The following DPY19L1 variants were observed in gnomAD, a reference collection of about 807,000 sequenced individuals.
DPY19L1 encodes the protein dpy-19 like C-mannosyltransferase 1, also known as protein C-mannosyl-transferase DPY19L1.
A neutral mutation model predicts 96.9 loss-of-function variants in DPY19L1; 35 were observed. That is an observed-to-expected ratio of 0.36 (90% CI 0.28 to 0.48). The LOEUF (loss-of-function observed/expected upper bound fraction) is 0.48. Ranked by LOEUF, DPY19L1 falls within the 20% of genes least tolerant of loss-of-function variation. The pLI, the probability that DPY19L1 is intolerant of heterozygous loss-of-function variation, is 0.99. For missense variants in DPY19L1, 521 were observed against 777.9 expected, an observed-to-expected ratio of 0.67 and a Z score of 3.93; for synonymous variants, 205 against 252.6, an observed-to-expected ratio of 0.81 and a Z score of 1.79.
At chr7:34,974,252 A>C (rs1784786762) in intron 7 of DPY19L1, among the ~76,000 whole-genome samples, 1 of 152,222 alleles carries the variant, frequency 6.6e-6, no homozygotes, top group African/African-American at 2.4e-5. Context: ...TACTGTATAT[A>C]GACTAAACAT....
chr7:34,976,472 T>C (rs923104649), intron 7 of DPY19L1, among the ~76,000 whole-genome samples: 4 of 152,150 alleles, frequency 2.6e-5, no homozygotes, highest in African/African-American at 4.8e-5. Context: ...ACTGTAAACA[T>C]TGTTGAAATG....
chr7:34,998,115 T>C (rs1785334838), intron 6 of DPY19L1, among the ~76,000 whole-genome samples: 1 of 152,172 alleles, frequency 6.6e-6, no homozygotes, highest in African/African-American at 2.4e-5. Context: ...GAACCTCCAA[T>C]GACCAAAGAA....
At chr7:34,932,877 A>G (rs568253667) in intron 21 of DPY19L1, among the ~76,000 whole-genome samples, 1 of 152,218 alleles carries the variant, frequency 6.6e-6, no homozygotes, top group African/African-American at 2.4e-5. Flanking sequence ...TTTTTAAATA[A>G]GAGAAAAAAA....
At chr7:35,022,917 T>C (rs1244918409) in intron 1 of DPY19L1, among the ~76,000 whole-genome samples, 1 of 152,184 alleles carries the variant, frequency 6.6e-6, no homozygotes, top group Non-Finnish European at 1.5e-5. Context: ...CCGGACGCCT[T>C]GGTGCTGGCG....
At chr7:34,956,664 C>A (rs961093723) in intron 11 of DPY19L1, among the ~76,000 whole-genome samples, 1 of 151,832 alleles carries the variant, frequency 6.6e-6, no homozygotes, top group African/African-American at 2.4e-5. Context: ...CCACCATGCC[C>A]GGCTAATTTT....
intron 21 of DPY19L1, among the ~76,000 whole-genome samples, chr7:34,934,314 G>C (rs1168214151): frequency 5.1e-4 from 77 of 152,076 alleles, no homozygotes. Flanking sequence ...AGATGCTCTT[G>C]AGTTGTTTTT....
intron 21 of DPY19L1, among the ~76,000 whole-genome samples, chr7:34,937,333 G>A (rs1441622716): frequency 2.6e-5 from 4 of 152,116 alleles, no homozygotes; most frequent in Admixed American, 2.0e-4. Flanking sequence ...CCCATCCATC[G>A]ACAGGACATG....
intron 1 of DPY19L1, among the ~76,000 whole-genome samples, chr7:35,033,867 G>T (rs1234142366): frequency 6.6e-6 from 1 of 151,952 alleles, no homozygotes; most frequent in South Asian, 2.1e-4. Context: ...CCAAAATCTG[G>T]AGACATTTTC....
At chr7:35,037,970 G>T, upstream of DPY19L1, 1 of 1,155,058 alleles carries the variant, frequency 8.7e-7, no homozygotes, top group South Asian at 4.4e-5. Context: ...AGCCTGTTAA[G>T]GCTGCGCTTG....
chr7:35,033,404 G>A (rs914330577), intron 1 of DPY19L1, among the ~76,000 whole-genome samples: 6 of 152,148 alleles, frequency 3.9e-5, no homozygotes, highest in Admixed American at 3.9e-4. Flanking sequence ...AGGTAGGGGT[G>A]ACAGAGTCTC....
At chr7:34,993,581 TA>T (rs1785219038) in intron 6 of DPY19L1, among the ~76,000 whole-genome samples, 1 of 152,236 alleles carries the variant, frequency 6.6e-6, no homozygotes, top group South Asian at 2.1e-4. Flanking sequence ...TTCTTACATA[TA>T]ACATCTGAAC....
At chr7:35,037,906 GA>G, upstream of DPY19L1, 1 of 1,238,950 alleles carries the variant, frequency 8.1e-7, no homozygotes, top group Non-Finnish European at 1.0e-6. Context: ...TTGTGGGAGT[GA>G]TGGGGCCGAA....
At chr7:35,002,850 G>A (rs944522809) in intron 6 of DPY19L1, among the ~76,000 whole-genome samples, 2 of 152,140 alleles carry the variant, frequency 1.3e-5, no homozygotes, top group Admixed American at 1.3e-4. Flanking sequence ...CTCACTGCAA[G>A]CTCTGCCTCC....
intron 6 of DPY19L1, among the ~76,000 whole-genome samples, chr7:35,003,309 C>A (rs1785473188): frequency 6.6e-6 from 1 of 152,124 alleles, no homozygotes; most frequent in Non-Finnish European, 1.5e-5. Flanking sequence ...AAGGAAATCC[C>A]AATGGGATGC....
chr7:34,948,279 CT>C (rs1316468995), intron 14 of DPY19L1, among the ~76,000 whole-genome samples: 2 of 152,084 alleles, frequency 1.3e-5, no homozygotes, highest in African/African-American at 4.8e-5. Context: ...TGCTTTTATA[CT>C]TTTTTTACTT....
intron 21 of DPY19L1, among the ~76,000 whole-genome samples, chr7:34,935,921 C>T (rs1263953759): frequency 1.3e-5 from 2 of 152,168 alleles, no homozygotes; most frequent in East Asian, 3.8e-4. Context: ...GCAGAGTGGA[C>T]CTGTCCAAGG....
intron 6 of DPY19L1, among the ~76,000 whole-genome samples, chr7:34,995,280 C>T (rs963275586): frequency 6.6e-6 from 1 of 151,884 alleles, no homozygotes; most frequent in African/African-American, 2.4e-5. Flanking sequence ...TTTTTCTCCC[C>T]ACTATAGTTG....
At chr7:34,948,794 T>A (rs1422982995) in intron 14 of DPY19L1, among the ~76,000 whole-genome samples, 1 of 152,258 alleles carries the variant, frequency 6.6e-6, no homozygotes. Context: ...AAAACTCATA[T>A]ACCTTTGTCA....
At chr7:34,983,967 C>T (rs2128670885) in intron 7 of DPY19L1, among the ~76,000 whole-genome samples, 1 of 147,738 alleles carries the variant, frequency 6.8e-6, no homozygotes, top group Non-Finnish European at 1.5e-5. Flanking sequence ...AGAAAAGACA[C>T]ATTACATTCA....
Sources: allele counts gnomAD v4.1 joint callset (sites outside exome capture counted in the v4.1 genomes callset), GRCh38; gene constraint gnomAD v4.1.1; transcripts MANE v1.5; gene names NCBI Gene and HGNC (gene_info 2026-07-23, HGNC 2026-07-21).